ENTHD1: variants seen among roughly 807,000 people sequenced by gnomAD.
ENTHD1 encodes the protein ENTH domain-containing protein 1.
ENTHD1 carries 23 observed loss-of-function variants against 39.1 expected under a neutral mutation model. The observed-to-expected ratio is 0.59, with a 90% CI of 0.42 to 0.83. The LOEUF is 0.83. Ranked by LOEUF, ENTHD1 falls within the 40% of genes least tolerant of loss-of-function variation. ENTHD1 has a pLI of 0.00. For synonymous variants in ENTHD1, 230 were observed against 258.2 expected, an observed-to-expected ratio of 0.89 and a Z score of 1.05; for missense variants, 624 against 705.4, an observed-to-expected ratio of 0.88 and a Z score of 1.31.
intron 4 of ENTHD1, among the ~76,000 whole-genome samples, chr22:39,832,847 G>A (rs1258262432): frequency 6.6e-6 from 1 of 152,134 alleles, no homozygotes; most frequent in African/African-American, 2.4e-5. Flanking sequence ...CGGAAGGAAG[G>A]GAGTCTGCAG....
At chr22:39,847,420 A>C (rs753032017) in intron 3 of ENTHD1, among the ~76,000 whole-genome samples, 3 of 151,044 alleles carry the variant, frequency 2.0e-5, no homozygotes, top group South Asian at 4.2e-4. Flanking sequence ...ACCTAATGCT[A>C]AATGATGAGT....
chr22:39,764,019 T>C (rs2065255520), intron 6 of ENTHD1, among the ~76,000 whole-genome samples: 1 of 152,198 alleles, frequency 6.6e-6, no homozygotes, highest in Admixed American at 6.5e-5. Context: ...GGCTATTCAG[T>C]ATCAAAAAAG....
chr22:39,791,050 C>G (rs997833761), intron 5 of ENTHD1, among the ~76,000 whole-genome samples: 1 of 151,906 alleles, frequency 6.6e-6, no homozygotes, highest in Non-Finnish European at 1.5e-5. Flanking sequence ...AAAATCTCCA[C>G]ATGTGGATTT....
At chr22:39,745,603 A>G (rs2065097908) in intron 6 of ENTHD1, among the ~76,000 whole-genome samples, 2 of 152,346 alleles carry the variant, frequency 1.3e-5, no homozygotes, top group East Asian at 3.9e-4. Flanking sequence ...CAGGAACTTC[A>G]TCAGCACATG....
At chr22:39,853,525 T>C (rs1440876497) in intron 3 of ENTHD1, among the ~76,000 whole-genome samples, 2 of 152,144 alleles carry the variant, frequency 1.3e-5, no homozygotes, top group Non-Finnish European at 2.9e-5. Flanking sequence ...AGTGAGACTC[T>C]GTCTCAAAAC....
chr22:39,879,870 G>A (rs150021388), intron 2 of ENTHD1, among the ~76,000 whole-genome samples: 92 of 152,314 alleles, frequency 6.0e-4, no homozygotes, highest in East Asian at 2.3e-3. Flanking sequence ...TCAAGGTAAC[G>A]TTCAGTAGGT....
chr22:39,744,387 T>A, intron 6 of ENTHD1, 104 bp from the exon 7 acceptor site: 3 of 1,038,186 alleles, frequency 2.9e-6, no homozygotes, highest in Non-Finnish European at 4.0e-6. Context: ...GGGCTCAACA[T>A]AAATAAACTG....
intron 1 of ENTHD1, among the ~76,000 whole-genome samples, chr22:39,892,517 CAT>C (rs1357777598): frequency 3.9e-5 from 6 of 152,216 alleles, no homozygotes; most frequent in African/African-American, 1.4e-4. Context: ...GCAATAAAAA[CAT>C]GTAAATATTT....
chr22:39,823,139 G>A (rs1342390707), intron 4 of ENTHD1, among the ~76,000 whole-genome samples: 2 of 152,002 alleles, frequency 1.3e-5, no homozygotes, highest in African/African-American at 4.8e-5. Context: ...TAACCTTTTG[G>A]GACTGGCTTT....
At chr22:39,786,311 TA>T in intron 5 of ENTHD1, among the ~76,000 whole-genome samples, 1 of 152,330 alleles carries the variant, frequency 6.6e-6, no homozygotes, top group Non-Finnish European at 1.5e-5. Flanking sequence ...TGATCGTATA[TA>T]CATCGTGAAG....
chr22:39,748,790 A>C (rs1277032839), intron 6 of ENTHD1, among the ~76,000 whole-genome samples: 1 of 152,178 alleles, frequency 6.6e-6, no homozygotes, highest in East Asian at 1.9e-4. Context: ...GTGACTAAAA[A>C]ACCTGGTATT....
intron 6 of ENTHD1, among the ~76,000 whole-genome samples, chr22:39,762,951 A>T (rs942109917): frequency 1.3e-5 from 2 of 152,060 alleles, no homozygotes; most frequent in African/African-American, 4.8e-5. Flanking sequence ...ATGCTTGGTA[A>T]CTTTTTGTTG....
chr22:39,803,535 A>T (rs6001684), intron 5 of ENTHD1, among the ~76,000 whole-genome samples: 2,003 of 152,180 alleles, frequency 0.013, 48 homozygotes, highest in African/African-American at 0.046. Context: ...ACTGCCATAA[A>T]TCCATGCTGA....
intron 6 of ENTHD1, among the ~76,000 whole-genome samples, chr22:39,760,149 A>G (rs1181329533): frequency 6.6e-6 from 1 of 152,024 alleles, no homozygotes; most frequent in Non-Finnish European, 1.5e-5. Context: ...GAAGTAGGGT[A>G]ATGTTTTTGA....
At position 39,846,946 on chromosome 22, in the gene ENTHD1, G is replaced by A. The variant is rs2065993718; in HGVS notation, c.593-10988C>T. Among the ~76,000 whole-genome samples the A allele has an allele frequency of 1.3e-5, 2 of 152,060 alleles. 1 individual carries two copies. Among genetic ancestry groups the A allele is most frequent in the South Asian group, 4.1e-4 (2 of 4,826 alleles). On this transcript the variant is annotated intron_variant, in intron 3 of 6. Coordinates refer to ENST00000325157, the MANE Select transcript of ENTHD1 (RefSeq NM_152512.4). Reference sequence around the variant, plus strand: ...TAGGAACACTTTTACACTGTTGGTGGGACTGTAAACTAGTTCAACCATGGT... The same window carrying A: ...TAGGAACACTTTTACACTGTTGGTGAGACTGTAAACTAGTTCAACCATGGT...
chr22:39,830,969 A>G (rs1460600712), intron 4 of ENTHD1, among the ~76,000 whole-genome samples: 1 of 152,262 alleles, frequency 6.6e-6, no homozygotes, highest in Admixed American at 6.5e-5. Flanking sequence ...TTCATGGAAC[A>G]GAAACAAATA....
intron 5 of ENTHD1, among the ~76,000 whole-genome samples, chr22:39,817,992 G>T (rs140315712): frequency 1.2e-4 from 19 of 152,346 alleles, no homozygotes; most frequent in Non-Finnish European, 2.8e-4. Flanking sequence ...TGGAGAGGTT[G>T]TAGGGGGGTC....
intron 1 of ENTHD1, chr22:39,893,168 T>C (rs2066441443): frequency 6.6e-6 from 1 of 152,168 alleles, no homozygotes; most frequent in Admixed American, 6.5e-5. Context: ...GCTTTGCCAT[T>C]TCCTAACTAA....
intron 5 of ENTHD1, among the ~76,000 whole-genome samples, chr22:39,813,080 G>T (rs1483960946): frequency 6.6e-6 from 1 of 152,162 alleles, no homozygotes; most frequent in African/African-American, 2.4e-5. Flanking sequence ...ACTGTGCCCG[G>T]CCCAGTGCTT....
Sources: gnomAD v4.1 joint callset for allele counts (sites outside exome capture counted in the v4.1 genomes callset) on GRCh38, gnomAD v4.1.1 for gene constraint, MANE v1.5 for transcripts, NCBI Gene and HGNC (gene_info 2026-07-23, HGNC 2026-07-21) for gene names.